PARP8: variants seen among roughly 807,000 people sequenced by gnomAD.
PARP8 encodes protein mono-ADP-ribosyltransferase PARP8.
PARP8 carries 51 observed loss-of-function variants against 124.1 expected under a neutral mutation model. The ratio of observed to expected loss-of-function variants is 0.41; its 90% CI spans 0.33 to 0.52. The LOEUF (loss-of-function observed/expected upper bound fraction) is 0.52, where lower values mean the gene tolerates loss of function less well. Ranked by LOEUF, PARP8 falls within the 20% of genes least tolerant of loss-of-function variation. The pLI is 0.21. For synonymous variants in PARP8, 391 were observed against 361.5 expected, an observed-to-expected ratio of 1.08 and a Z score of -0.93; for missense variants, 860 against 1,018.9, an observed-to-expected ratio of 0.84 and a Z score of 2.12.
chr5:50,680,207 C>T (rs1431912096), intron 2 of PARP8, among the ~76,000 whole-genome samples: 1 of 152,162 alleles, frequency 6.6e-6, no homozygotes, highest in Admixed American at 6.5e-5. Context: ...TACTCTGGAT[C>T]GGTGCCCTTT....
intron 20 of PARP8, 67 bp downstream of exon 20, chr5:50,828,123 A>C: frequency 8.0e-7 from 1 of 1,244,152 alleles, no homozygotes; most frequent in Non-Finnish European, 1.2e-6. Flanking sequence ...TATGGGGAAG[A>C]TATCACTGTC....
chr5:50,677,127 C>T (rs79725563), intron 2 of PARP8, among the ~76,000 whole-genome samples: 1 of 152,020 alleles, frequency 6.6e-6, no homozygotes, highest in Non-Finnish European at 1.5e-5. Context: ...AAAATCTTAA[C>T]GGAGTGAATT....
intron 14 of PARP8, among the ~76,000 whole-genome samples, chr5:50,810,514 A>C (rs1380601756): frequency 6.6e-6 from 1 of 152,034 alleles, no homozygotes; most frequent in Non-Finnish European, 1.5e-5. Context: ...TGGGAATAGG[A>C]TAAGGCTAGC....
intron 9 of PARP8, among the ~76,000 whole-genome samples, chr5:50,788,219 T>G (rs1196739969): frequency 6.9e-6 from 1 of 145,326 alleles, no homozygotes; most frequent in Admixed American, 7.6e-5. Flanking sequence ...TTATTATACA[T>G]TATACTGTAT....
chr5:50,714,173 T>C (rs1419892320), intron 2 of PARP8, among the ~76,000 whole-genome samples: 1 of 151,744 alleles, frequency 6.6e-6, no homozygotes, highest in Non-Finnish European at 1.5e-5. Flanking sequence ...GCCTAACCCA[T>C]GTTGGGAAGA....
At chr5:50,815,368 G>T in intron 14 of PARP8, 64 bp from the exon 15 acceptor site, 2 of 1,168,810 alleles carry the variant, frequency 1.7e-6, no homozygotes, top group Admixed American at 2.5e-5. Context: ...GAAATGTTGT[G>T]AATTTAATTT....
At chr5:50,814,201 T>G (rs1233107313) in intron 14 of PARP8, among the ~76,000 whole-genome samples, 5 of 152,126 alleles carry the variant, frequency 3.3e-5, no homozygotes, top group Non-Finnish European at 7.4e-5. Flanking sequence ...TATCATACCA[T>G]GCTCTAAGCC....
chr5:50,750,076 G>C, intron 2 of PARP8, 75 bp from the exon 3 acceptor site: 1 of 1,180,412 alleles, frequency 8.5e-7, no homozygotes, highest in Non-Finnish European at 1.2e-6. Context: ...ACATGGGTTT[G>C]GTTTGTCTTT....
At chr5:50,777,531 C>A (rs1740164684) in intron 7 of PARP8, among the ~76,000 whole-genome samples, 1 of 151,836 alleles carries the variant, frequency 6.6e-6, no homozygotes. Flanking sequence ...GTAGAATATA[C>A]TACAGTTCCT....
At chr5:50,790,085 C>T (rs777883536) in intron 10 of PARP8, among the ~76,000 whole-genome samples, 4 of 151,908 alleles carry the variant, frequency 2.6e-5, no homozygotes, top group Non-Finnish European at 4.4e-5. Flanking sequence ...GAGTTGTGTG[C>T]CTACCACATT....
intron 3 of PARP8, among the ~76,000 whole-genome samples, chr5:50,754,440 T>A (rs1433409799): frequency 6.6e-6 from 1 of 151,812 alleles, no homozygotes; most frequent in Non-Finnish European, 1.5e-5. Context: ...GGTGTTTGGT[T>A]TTTTGTCCTT....
chr5:50,777,488 C>T (rs1264091316), intron 7 of PARP8, among the ~76,000 whole-genome samples: 1 of 151,768 alleles, frequency 6.6e-6, no homozygotes, highest in Non-Finnish European at 1.5e-5. Context: ...AGTACCTGTG[C>T]TGTACAAAAG....
At chr5:50,734,497 G>C (rs577248710) in intron 2 of PARP8, among the ~76,000 whole-genome samples, 1 of 152,100 alleles carries the variant, frequency 6.6e-6, no homozygotes, top group Non-Finnish European at 1.5e-5. Context: ...GTAGGTGAAT[G>C]CTTTGCTGGA....
At chr5:50,761,317 GAAAC>G (rs887423370) in intron 5 of PARP8, among the ~76,000 whole-genome samples, 4 of 151,976 alleles carry the variant, frequency 2.6e-5, no homozygotes, top group African/African-American at 7.2e-5. Context: ...TCTGAATTCT[GAAAC>G]AAATAATTTC....
intron 9 of PARP8, among the ~76,000 whole-genome samples, chr5:50,778,884 C>G (rs906601506): frequency 2.0e-5 from 3 of 151,984 alleles, no homozygotes; most frequent in African/African-American, 7.3e-5. Context: ...TTCTGAGACA[C>G]AAACATTTAA....
intron 11 of PARP8, 140 bp from the exon 12 acceptor site, chr5:50,794,713 T>G: frequency 1.3e-6 from 1 of 778,324 alleles, no homozygotes; most frequent in Non-Finnish European, 2.0e-6. Context: ...ACCTTTGATT[T>G]CAGTTTTGAC....
chr5:50,739,343 C>T (rs1419414649), intron 2 of PARP8, among the ~76,000 whole-genome samples: 1 of 151,578 alleles, frequency 6.6e-6, no homozygotes, highest in Admixed American at 6.6e-5. Flanking sequence ...CTTTGGATGT[C>T]CATTACAGAT....
At chr5:50,724,812 A>G (rs1297355365) in intron 2 of PARP8, among the ~76,000 whole-genome samples, 1 of 151,772 alleles carries the variant, frequency 6.6e-6, no homozygotes, top group Non-Finnish European at 1.5e-5. Context: ...TAGGTAGTGT[A>G]CATTGTACCT....
chr5:50,816,338 T>C (rs1745101817), intron 15 of PARP8, among the ~76,000 whole-genome samples: 1 of 152,182 alleles, frequency 6.6e-6, no homozygotes, highest in Admixed American at 6.5e-5. Context: ...CCTTACACTG[T>C]GTGCAAAAAC....
Sources: gnomAD v4.1 joint callset for allele counts (sites outside exome capture counted in the v4.1 genomes callset) on GRCh38, gnomAD v4.1.1 for gene constraint, MANE v1.5 for transcripts, NCBI Gene and HGNC (gene_info 2026-07-23, HGNC 2026-07-21) for gene names.